The following STEAP2 variants were observed in gnomAD, a reference collection of about 807,000 sequenced individuals.
The protein encoded by STEAP2 is STEAP2 metalloreductase, also known as metalloreductase STEAP2.
A neutral mutation model predicts 46.4 loss-of-function variants in STEAP2; 30 were observed. That is an observed-to-expected ratio of 0.65 (90% CI 0.48 to 0.88). The LOEUF (loss-of-function observed/expected upper bound fraction) is 0.88. Among genes scored for constraint, STEAP2 ranks in the 40% least tolerant of loss-of-function variants. The pLI is 0.00. For missense variants in STEAP2, 513 were observed against 579.3 expected (o/e 0.89, Z 1.18); for synonymous variants, 180 against 200.5 (o/e 0.90, Z 0.86).
At chr7:90,241,171 T>TACACACACACACACATAAACATAC (rs1554345393), downstream of STEAP2, among the ~76,000 whole-genome samples, 1 of 149,984 alleles carries the variant, frequency 6.7e-6, no homozygotes, top group Non-Finnish European at 1.5e-5. Flanking sequence ...CACATAAACA[T>TACACACACACACACATAAACATAC]ACACACACAC....
Position 90,227,009 on chromosome 7 carries a change from G to T in STEAP2, c.531G>T (p.Gln177His). Residue 177 changes from glutamine (Q) to histidine (H), a missense_variant, in exon 4 of 6, where the codon CAG becomes CAT. Physicochemically the swap from Gln to His is conservative, Grantham distance 24. Coordinates refer to ENST00000394621, the MANE Select transcript of STEAP2 (RefSeq NM_001244944.2). ...ICSNNIQARQQVIELARQLNF... is the reference protein window; with the variant it reads ...ICSNNIQARQHVIELARQLNF... Reference sequence around the variant, plus strand: ...GCAACAATATTCAAGCGCGACAACAGGTTATTGAACTTGCCCGCCAGTTGA... The same window carrying T: ...GCAACAATATTCAAGCGCGACAACATGTTATTGAACTTGCCCGCCAGTTGA... 1 of 1,609,646 alleles carries T rather than the reference G, an allele frequency of 6.2e-7. No homozygotes were observed. Among genetic ancestry groups the T allele is most frequent in the East Asian group, 2.2e-5 (1 of 44,876 alleles).
At chr7:90,224,913 A>G in intron 2 of STEAP2, 137 bp from the exon 3 acceptor site, 1 of 663,688 alleles carries the variant, frequency 1.5e-6, no homozygotes, top group Non-Finnish European at 2.4e-6. Flanking sequence ...TTAGCTTACA[A>G]ATTGTGTCTT....
downstream of STEAP2, among the ~76,000 whole-genome samples, chr7:90,238,617 G>A (rs1284794721): frequency 2.0e-5 from 3 of 152,144 alleles, no homozygotes; most frequent in Non-Finnish European, 4.4e-5. Flanking sequence ...ACCTGTGTTT[G>A]TGTTCCCTTC....
intron 3 of STEAP2, among the ~76,000 whole-genome samples, chr7:90,226,042 A>T (rs1406244575): frequency 6.6e-6 from 1 of 152,146 alleles, no homozygotes; most frequent in African/African-American, 2.4e-5. Context: ...TTTACTTTCC[A>T]GTCTTTATTT....
chr7:90,218,063 G>A (rs1050265264), intron 2 of STEAP2, among the ~76,000 whole-genome samples: 3 of 152,042 alleles, frequency 2.0e-5, no homozygotes, highest in African/African-American at 7.2e-5. Context: ...CCATTTGTTT[G>A]TCTTCTTTGG....
the STEAP2 span, among the ~76,000 whole-genome samples, chr7:90,243,387 G>T: frequency 6.6e-6 from 1 of 152,132 alleles, no homozygotes; most frequent in African/African-American, 2.4e-5. Context: ...GATTAAAAGA[G>T]TTAGAGTTTT....
chr7:90,235,134 A>G lies in STEAP2; in HGVS notation c.*2510A>G. On this transcript the variant is annotated 3_prime_UTR_variant, in exon 6 of 6. Coordinates refer to ENST00000394621, the MANE Select transcript of STEAP2 (RefSeq NM_001244944.2). ...TATTAAAGCATATATTGTTGCATGT[A>G]TATATTAAGTAGCCGATACTCTAAA... The G allele has an allele frequency of 1.1e-6, 1 of 946,742 alleles. No homozygotes were observed. Among genetic ancestry groups the G allele is most frequent in the Non-Finnish European group, 1.3e-6 (1 of 794,574 alleles). 58.6% of individuals were successfully genotyped at this position (946,742 alleles called of 1,614,324 possible).
Position 90,234,603 on chromosome 7 carries a change from T to A in STEAP2, c.*1979T>A, listed in dbSNP as rs909550314. 1.2e-5 allele frequency: 10 copies of A among 868,150 alleles called. No homozygotes were observed. Among genetic ancestry groups the A allele is most frequent in the Non-Finnish European group, 1.4e-5 (10 of 726,912 alleles). The allele number at this position is 868,150 out of a possible 1,614,324, so 53.8% of individuals were successfully genotyped here. A position where few individuals can be genotyped will look rare whatever the true frequency, so the allele number is the denominator to read the frequency against. ...TCTTGCTCTGTCACCCAGGCTGGAG[T>A]GCAGTGGCACGATCTCGGCTCACTG... is the stretch of plus-strand genomic sequence containing the variant. On this transcript the variant is annotated 3_prime_UTR_variant, in exon 6 of 6. Transcript: ENST00000394621.
At position 90,227,144 on chromosome 7, in the gene STEAP2, G is replaced by A; in HGVS notation, c.666G>A (p.Leu222=). 4 of 1,613,662 alleles carry A rather than the reference G, an allele frequency of 2.5e-6. No individual in the cohort carries two copies. The highest frequency in any genetic ancestry group is 3.4e-6 in the Non-Finnish European group (4 of 1,179,852). Residue 222 remains leucine, a synonymous_variant, in exon 4 of 6, where the codon TTG becomes TTA. Transcript: ENST00000394621. ...WRGPVVVAIS[L]ATFFFLYSFV... ...GGCCAGTGGTGGTAGCTATAAGCTT[G>A]GCCACATTTTTTTTCCTTTATTCCT...
At chr7:90,218,801 T>G (rs1795134969) in intron 2 of STEAP2, among the ~76,000 whole-genome samples, 1 of 152,204 alleles carries the variant, frequency 6.6e-6, no homozygotes, top group Admixed American at 6.5e-5. Context: ...CTTTTCTAAT[T>G]CTATGAAAAA....
chr7:90,219,099 A>G (rs1178040356), intron 2 of STEAP2, among the ~76,000 whole-genome samples: 1 of 151,982 alleles, frequency 6.6e-6, no homozygotes, highest in Admixed American at 6.6e-5. Flanking sequence ...TTGTTGGTGT[A>G]TAGAAATGGT....
chr7:90,225,358 T>C lies in STEAP2; in HGVS notation c.276T>C (p.Ala92=). Residue 92 remains alanine, a synonymous_variant, in exon 3 of 6, where the codon GCT becomes GCC. Transcript: ENST00000394621. ...CAAAAACAAATATAATATTTGTTGCTATACACAGAGAACATTATACCTCCC... is the reference window on the plus strand; with the variant it reads ...CAAAAACAAATATAATATTTGTTGCCATACACAGAGAACATTATACCTCCC... The part of the protein sequence containing the change: ...ALTKTNIIFV[A]IHREHYTSLW... 6.2e-7 allele frequency: 1 copy of C among 1,613,916 alleles called. No individual in the cohort carries two copies. Among genetic ancestry groups the C allele is most frequent in the Non-Finnish European group, 8.5e-7 (1 of 1,179,926 alleles).
chr7:90,233,214 A>G lies in STEAP2; in HGVS notation c.*590A>G, dbSNP rs1795831788. Reference sequence around the variant, plus strand: ...TGAAGAGACACAAATTAAAAAGACAAATTAAACCTGAAATTATATTTAAAA... The same window carrying G: ...TGAAGAGACACAAATTAAAAAGACAGATTAAACCTGAAATTATATTTAAAA... On this transcript the variant is annotated 3_prime_UTR_variant, in exon 6 of 6. Transcript: ENST00000394621. 3 of 954,050 alleles carry G rather than the reference A, an allele frequency of 3.1e-6. No individual in the cohort carries two copies. Among genetic ancestry groups the G allele is most frequent in the Non-Finnish European group, 3.7e-6 (3 of 801,604 alleles). The allele number at this position is 954,050 out of a possible 1,614,324, so 59.1% of individuals were successfully genotyped here.
chr7:90,215,669 A>G (rs538551065), intron 1 of STEAP2: 2 of 152,240 alleles, frequency 1.3e-5, no homozygotes, highest in South Asian at 4.1e-4. Flanking sequence ...TTTGCTGTTT[A>G]ACAAAGGAAA....
In STEAP2 at chr7:90,233,482, C is replaced by T. The variant is rs537083684; in HGVS notation, c.*858C>T. On this transcript the variant is annotated 3_prime_UTR_variant, in exon 6 of 6. Coordinates refer to ENST00000394621, the MANE Select transcript of STEAP2 (RefSeq NM_001244944.2). ...AAGTAATCTGCCAGCTGACCTTTGTCGCACCTTAACCAGTCACCACTTGCT... is the reference window on the plus strand; with the variant it reads ...AAGTAATCTGCCAGCTGACCTTTGTTGCACCTTAACCAGTCACCACTTGCT... The T allele has an allele frequency of 1.4e-4, 138 of 985,350 alleles. 1 individual carries two copies. The African/African-American group carries it at 1.9e-3, about 14-fold the overall frequency. 61.0% of individuals were successfully genotyped at this position (985,350 alleles called of 1,614,324 possible).
At chr7:90,223,679 C>T (rs1206103398) in intron 2 of STEAP2, among the ~76,000 whole-genome samples, 9 of 152,194 alleles carry the variant, frequency 5.9e-5, no homozygotes, top group Admixed American at 5.9e-4. Context: ...AAAAAGATTT[C>T]ATACATATTA....
chr7:90,232,304 C>A, intron 5 of STEAP2, 33 bp from the exon 6 acceptor site: 1 of 1,513,724 alleles, frequency 6.6e-7, no homozygotes, highest in Non-Finnish European at 8.9e-7. Flanking sequence ...GTTTCTTATT[C>A]TTTGTTTCTT....
Position 90,236,275 on chromosome 7 carries a change from T to C in STEAP2, c.*3651T>C, listed in dbSNP as rs1182902681. 1 of 947,186 alleles carries C rather than the reference T, an allele frequency of 1.1e-6. No homozygotes were observed. The highest frequency in any genetic ancestry group is 1.2e-4 in the East Asian group (1 of 8,626). 58.7% of individuals were successfully genotyped at this position (947,186 alleles called of 1,614,324 possible). On this transcript the variant is annotated 3_prime_UTR_variant, in exon 6 of 6. Transcript: ENST00000394621. ...GTATCATAAATGTAATAAGTAAATA[T>C]TTATTTAGGAATACTGTGAACACTG... is the stretch of plus-strand genomic sequence containing the variant.
intron 2 of STEAP2, among the ~76,000 whole-genome samples, chr7:90,218,420 G>T (rs1795119777): frequency 6.6e-6 from 1 of 151,982 alleles, no homozygotes; most frequent in Non-Finnish European, 1.5e-5. Context: ...TAAGTCTTTA[G>T]TTGACCTTGC....
Sources: allele counts gnomAD v4.1 joint callset (sites outside exome capture counted in the v4.1 genomes callset), GRCh38; gene constraint gnomAD v4.1.1; transcripts MANE v1.5; gene names NCBI Gene and HGNC (gene_info 2026-07-23, HGNC 2026-07-21).